The following PCP4 variants were observed in gnomAD, a reference collection of about 807,000 sequenced individuals.
The protein encoded by PCP4 is Purkinje cell protein 4.
PCP4 carries 8 observed loss-of-function variants against 10.0 expected under a neutral mutation model. That is an observed-to-expected ratio of 0.80 (90% CI 0.47 to 1.45). PCP4 has a LOEUF of 1.45. Ranked by LOEUF, PCP4 falls within the 40% of genes most tolerant of loss-of-function variation. The pLI is 0.00. For missense variants in PCP4, 54 were observed against 74.4 expected, an observed-to-expected ratio of 0.73 and a Z score of 1.01; for synonymous variants, 21 against 23.0, an observed-to-expected ratio of 0.91 and a Z score of 0.24.
At position 39,886,720 on chromosome 21, in the gene PCP4, A is replaced by G. The variant is rs565676286; in HGVS notation, c.10-11756A>G. On this transcript the variant is annotated intron_variant, in intron 1 of 2. Transcript: ENST00000328619. ...TCACTGTGAAATCTGTGAAATTAGA[A>G]GAGTCCACACAGAAGTCATTAAATA... is the stretch of plus-strand genomic sequence containing the variant. 5.3e-4 allele frequency among the ~76,000 whole-genome samples: 80 copies of G among 152,258 alleles called. 1 individual carries two copies. Among genetic ancestry groups the G allele is most frequent in the Non-Finnish European group, 1.0e-3 (69 of 68,042 alleles).
chr21:39,914,388 A>G (rs527444722), intron 2 of PCP4, among the ~76,000 whole-genome samples: 85 of 152,272 alleles, frequency 5.6e-4, no homozygotes, highest in Admixed American at 4.6e-3. Flanking sequence ...AGCCTGGCCA[A>G]CATGGTGGAA....
chr21:39,873,036 A>C (rs1413109811), intron 1 of PCP4, among the ~76,000 whole-genome samples: 1 of 152,256 alleles, frequency 6.6e-6, no homozygotes, highest in African/African-American at 2.4e-5. Flanking sequence ...ATGGGAACGG[A>C]GCAAGGGACG....
chr21:39,903,685 G>A (rs2087491787), intron 2 of PCP4, among the ~76,000 whole-genome samples: 1 of 151,866 alleles, frequency 6.6e-6, no homozygotes, highest in Non-Finnish European at 1.5e-5. Context: ...TGGCTAACAC[G>A]GTGAAACCCC....
At chr21:39,918,744 G>T (rs2087580914) in intron 2 of PCP4, among the ~76,000 whole-genome samples, 1 of 152,100 alleles carries the variant, frequency 6.6e-6, no homozygotes, top group Non-Finnish European at 1.5e-5. Flanking sequence ...GCCCCCATTC[G>T]ATAAATATGC....
intron 1 of PCP4, among the ~76,000 whole-genome samples, chr21:39,884,057 A>C (rs929064961): frequency 6.6e-6 from 1 of 152,172 alleles, no homozygotes; most frequent in Non-Finnish European, 1.5e-5. Context: ...GGCTGGGATT[A>C]CCTGGGTAGT....
intron 2 of PCP4, among the ~76,000 whole-genome samples, chr21:39,927,275 C>G (rs1187948187): frequency 2.1e-5 from 3 of 144,940 alleles, no homozygotes; most frequent in African/African-American, 7.8e-5. Context: ...CTGTCTGTCT[C>G]TCTGATCTAT....
chr21:39,915,360 T>C (rs766941947), intron 2 of PCP4, among the ~76,000 whole-genome samples: 1 of 152,122 alleles, frequency 6.6e-6, no homozygotes, highest in African/African-American at 2.4e-5. Flanking sequence ...AATGAGCCCA[T>C]CCAATACACA....
At chr21:39,891,273 T>C (rs1298600416) in intron 1 of PCP4, among the ~76,000 whole-genome samples, 1 of 152,230 alleles carries the variant, frequency 6.6e-6, no homozygotes, top group Non-Finnish European at 1.5e-5. Context: ...GGTGGCTGCC[T>C]CAGCGTGGGC....
chr21:39,891,744 G>T (rs539441598), intron 1 of PCP4, among the ~76,000 whole-genome samples: 1 of 152,234 alleles, frequency 6.6e-6, no homozygotes, highest in Admixed American at 6.5e-5. Flanking sequence ...GTGATTACAG[G>T]ATAGGGGGCC....
At chr21:39,927,458 G>C (rs995577866) in intron 2 of PCP4, among the ~76,000 whole-genome samples, 1 of 152,204 alleles carries the variant, frequency 6.6e-6, no homozygotes, top group South Asian at 2.1e-4. Flanking sequence ...AGGAACCCCA[G>C]CTTCCTCCAC....
chr21:39,901,997 T>C (rs1310459073), intron 2 of PCP4, among the ~76,000 whole-genome samples: 1 of 152,214 alleles, frequency 6.6e-6, no homozygotes, highest in Non-Finnish European at 1.5e-5. Context: ...AAATTCCTGA[T>C]ATGAGACGAT....
chr21:39,872,579 C>T (rs1476956542), intron 1 of PCP4, among the ~76,000 whole-genome samples: 5 of 152,170 alleles, frequency 3.3e-5, no homozygotes, highest in Non-Finnish European at 5.9e-5. Context: ...TGAAACACAA[C>T]ATTAAATATC....
rs577954104 is a variant in PCP4 at position 39,908,770 on chromosome 21, C to T, written c.61+10243C>T. Among the ~76,000 whole-genome samples the T allele has an allele frequency of 2.4e-3, 364 of 152,224 alleles. 1 individual carries two copies. Among genetic ancestry groups the T allele is most frequent in the African/African-American group, 8.4e-3 (351 of 41,542 alleles). On this transcript the variant is annotated intron_variant, in intron 2 of 2. Transcript: ENST00000328619. ...TGTGCCTGGGGCTGTAGGTGTTGGC[C>T]TGGGTTGGGAGGCAGGACTGAGGTC...
At chr21:39,888,619 C>A (rs192057176) in intron 1 of PCP4, among the ~76,000 whole-genome samples, 1 of 152,284 alleles carries the variant, frequency 6.6e-6, no homozygotes, top group African/African-American at 2.4e-5. Context: ...TTAGGGGACT[C>A]CCCCGCTGCC....
At position 39,919,937 on chromosome 21, in the gene PCP4, A is replaced by G. The variant is rs959740330; in HGVS notation, c.62-9047A>G. The stretch of plus-strand genomic sequence containing the variant: ...GTCTGGTGAGGTGTGTTTGTGTATG[A>G]GTGCATGTGTGTGGAGTGAGAGGTG... On this transcript the variant is annotated intron_variant, in intron 2 of 2. Transcript: ENST00000328619. 2.1e-5 allele frequency among the ~76,000 whole-genome samples: 3 copies of G among 141,354 alleles called. No individual in the cohort carries two copies. The Admixed American group carries it at 2.1e-4, about 10-fold the overall frequency. The allele number at this position is 141,354 out of a possible 152,430, so 92.7% of individuals were successfully genotyped here.
chr21:39,874,746 G>T (rs1287274151), intron 1 of PCP4, among the ~76,000 whole-genome samples: 1 of 149,564 alleles, frequency 6.7e-6, no homozygotes, highest in Non-Finnish European at 1.5e-5. Flanking sequence ...CTAGTTAAAA[G>T]GTTACACCTG....
At chr21:39,877,531 T>TA (rs397866347) in intron 1 of PCP4, among the ~76,000 whole-genome samples, 2,518 of 138,670 alleles carry the variant, frequency 0.018, 56 homozygotes, top group African/African-American at 0.051. Flanking sequence ...TACCAAAAAT[T>TA]AAAAAAAAAA....
chr21:39,913,989 A>G (rs1402827736), intron 2 of PCP4, among the ~76,000 whole-genome samples: 1 of 5,444 alleles, frequency 1.8e-4, no homozygotes, highest in South Asian at 5.4e-3. Flanking sequence ...GGACGCAGAA[A>G]CGTGTGTCAT....
chr21:39,881,009 G>A (rs1295076203), intron 1 of PCP4, among the ~76,000 whole-genome samples: 2 of 152,144 alleles, frequency 1.3e-5, no homozygotes, highest in African/African-American at 4.8e-5. Flanking sequence ...GGTCGTGTGT[G>A]CATTTTATTT....
Sources: gnomAD v4.1 joint callset for allele counts (sites outside exome capture counted in the v4.1 genomes callset) on GRCh38, gnomAD v4.1.1 for gene constraint, MANE v1.5 for transcripts, NCBI Gene and HGNC (gene_info 2026-07-23, HGNC 2026-07-21) for gene names.